Variants in VWC2L observed in about 807,000 individuals in gnomAD.
VWC2L encodes von Willebrand factor C domain containing 2 like.
A neutral mutation model predicts 21.6 loss-of-function variants in VWC2L; 10 were observed. The observed-to-expected ratio is 0.46, with a 90% CI of 0.29 to 0.78. The LOEUF (loss-of-function observed/expected upper bound fraction) is 0.78, where lower values mean the gene tolerates loss of function less well. Ranked by LOEUF, VWC2L falls within the 30% of genes least tolerant of loss-of-function variation. The probability of loss-of-function intolerance (pLI) is 0.10; values close to 1 mark genes in which losing one functional copy is unlikely to be tolerated. For missense variants in VWC2L, 209 were observed against 277.1 expected, an observed-to-expected ratio of 0.75 and a Z score of 1.74; for synonymous variants, 96 against 94.3, an observed-to-expected ratio of 1.02 and a Z score of -0.10.
At chr2:214,510,440 TC>T (rs1357706318) in intron 3 of VWC2L, among the ~76,000 whole-genome samples, 2 of 152,186 alleles carry the variant, frequency 1.3e-5, no homozygotes, top group Admixed American at 1.3e-4. Context: ...TTCCAGTTTC[TC>T]CCCCACATTG....
intron 3 of VWC2L, among the ~76,000 whole-genome samples, chr2:214,565,100 A>C (rs1690042045): frequency 1.3e-5 from 2 of 152,184 alleles, no homozygotes; most frequent in East Asian, 3.9e-4. Context: ...AGTCAGCTGG[A>C]AGTTGTACTT....
rs56085205 is a variant in VWC2L, at chr2:214,499,009, C to CTTTTTTTTTTT, written c.520+62270_520+62280dup. On this transcript the variant is annotated intron_variant, in intron 3 of 3. Coordinates refer to ENST00000312504, the MANE Select transcript of VWC2L (RefSeq NM_001080500.4). ...CTTCTGAGGCTTATATCGTACCATT[C>CTTTTTTTTTTT]TTTTTTTTTTTTTTTTTTTTTTTTT... 4.8e-4 allele frequency among the ~76,000 whole-genome samples: 40 copies of CTTTTTTTTTTT among 83,416 alleles called. 2 individuals are homozygous for CTTTTTTTTTTT. Among genetic ancestry groups the CTTTTTTTTTTT allele is most frequent in the African/African-American group, 2.1e-3 (34 of 16,468 alleles). The allele number at this position is 83,416 out of a possible 152,430, so 54.7% of individuals were successfully genotyped here.
At chr2:214,512,575 A>C (rs1406764776) in intron 3 of VWC2L, among the ~76,000 whole-genome samples, 1 of 152,234 alleles carries the variant, frequency 6.6e-6, no homozygotes, top group African/African-American at 2.4e-5. Context: ...GTAAAAAAAA[A>C]AAAATTTTAC....
At chr2:214,514,744 A>C (rs1255693387) in intron 3 of VWC2L, among the ~76,000 whole-genome samples, 1 of 152,222 alleles carries the variant, frequency 6.6e-6, no homozygotes, top group African/African-American at 2.4e-5. Context: ...AAATACATAC[A>C]CATGTTTGAA....
At chr2:214,543,020 T>G (rs1260058830) in intron 3 of VWC2L, among the ~76,000 whole-genome samples, 2 of 152,222 alleles carry the variant, frequency 1.3e-5, no homozygotes, top group Non-Finnish European at 2.9e-5. Flanking sequence ...TTAATCCTGC[T>G]CATAGAATTA....
At chr2:214,414,896 A>G in intron 2 of VWC2L, 1 of 331,832 alleles carries the variant, frequency 3.0e-6, no homozygotes, top group Non-Finnish European at 5.6e-6. Flanking sequence ...GATGGGAACA[A>G]TTTTGTGTAT....
At chr2:214,477,940 T>C (rs1398560317) in intron 3 of VWC2L, among the ~76,000 whole-genome samples, 1 of 152,264 alleles carries the variant, frequency 6.6e-6, no homozygotes, top group Non-Finnish European at 1.5e-5. Flanking sequence ...AACTTTCTTT[T>C]TGATTTTTCT....
At chr2:214,440,825 T>G (rs1316370872) in intron 3 of VWC2L, among the ~76,000 whole-genome samples, 2 of 152,146 alleles carry the variant, frequency 1.3e-5, no homozygotes, top group African/African-American at 4.8e-5. Context: ...TGTAGTCAGT[T>G]ATCAAAACAT....
chr2:214,478,945 C>T lies in VWC2L; in HGVS notation c.520+42187C>T, dbSNP rs909713990. On this transcript the variant is annotated intron_variant, in intron 3 of 3. Coordinates refer to ENST00000312504, the MANE Select transcript of VWC2L (RefSeq NM_001080500.4). ...ATTTCAAAGCTCTCACTTCTGCCGC[C>T]TCATTAGGCTTGGGATTAGGAACTC... Among the ~76,000 whole-genome samples the T allele has an allele frequency of 2.6e-4, 40 of 152,198 alleles. 1 individual carries two copies. Among genetic ancestry groups the T allele is most frequent in the Non-Finnish European group, 1.3e-4 (9 of 68,024 alleles).
chr2:214,421,175 C>G (rs1409813665), intron 2 of VWC2L, among the ~76,000 whole-genome samples: 1 of 152,142 alleles, frequency 6.6e-6, no homozygotes, highest in Non-Finnish European at 1.5e-5. Context: ...GTTTTTTGCA[C>G]TCACAGAAGT....
chr2:214,554,365 T>C (rs2105926501), intron 3 of VWC2L, among the ~76,000 whole-genome samples: 1 of 152,012 alleles, frequency 6.6e-6, no homozygotes, highest in South Asian at 2.1e-4. Flanking sequence ...CAGGCCGTGA[T>C]GAGAAAGACA....
At chr2:214,495,116 A>G (rs566771108) in intron 3 of VWC2L, among the ~76,000 whole-genome samples, 1 of 151,826 alleles carries the variant, frequency 6.6e-6, no homozygotes, top group Admixed American at 6.6e-5. Flanking sequence ...TGCTTTTTTT[A>G]TATTGATTTG....
chr2:214,555,992 G>A (rs936189439), intron 3 of VWC2L, among the ~76,000 whole-genome samples: 1 of 152,244 alleles, frequency 6.6e-6, no homozygotes, highest in East Asian at 1.9e-4. Context: ...TATTCTCTGA[G>A]ACAAAATAGC....
intron 2 of VWC2L, among the ~76,000 whole-genome samples, chr2:214,435,686 T>A (rs1702669245): frequency 6.6e-6 from 1 of 152,142 alleles, no homozygotes; most frequent in Non-Finnish European, 1.5e-5. Context: ...ACAAATGGCT[T>A]GATTTGAGAA....
Position 214,415,965 on chromosome 2 carries a change from CT to C in VWC2L, c.390+1383del, listed in dbSNP as rs370222229. On this transcript the variant is annotated intron_variant, in intron 2 of 3. Coordinates refer to ENST00000312504, the MANE Select transcript of VWC2L (RefSeq NM_001080500.4). ...ACATTTATTAATGGTTTTATGATCT[CT>C]AAAATATTGTATATATTTTGACATT... Among the ~76,000 whole-genome samples, 388 of 152,144 alleles carry C rather than the reference CT, an allele frequency of 2.6e-3. 2 individuals are homozygous for C. The highest frequency in any genetic ancestry group is 8.9e-3 in the African/African-American group (370 of 41,526).
intron 3 of VWC2L, among the ~76,000 whole-genome samples, chr2:214,567,048 T>C (rs903006318): frequency 1.4e-4 from 22 of 152,172 alleles, no homozygotes; most frequent in African/African-American, 5.1e-4. Context: ...TTTATGGCTT[T>C]ACACAATAGG....
intron 3 of VWC2L, among the ~76,000 whole-genome samples, chr2:214,504,070 T>C (rs1388911543): frequency 1.3e-5 from 2 of 152,222 alleles, no homozygotes; most frequent in African/African-American, 4.8e-5. Flanking sequence ...TTGTACAAAT[T>C]GTAACTGGTT....
At position 214,515,957 on chromosome 2, in the gene VWC2L, T is replaced by C. The variant is rs192911850; in HGVS notation, c.521-59715T>C. Among the ~76,000 whole-genome samples the C allele has an allele frequency of 2.6e-5, 4 of 152,330 alleles. No individual in the cohort carries two copies. The East Asian group carries it at 7.7e-4, about 29-fold the overall frequency. ...ACACAACATTCTTTCTACCTCTTTA[T>C]GCTGCCTCAGAAAGTGCTTGACACC... On this transcript the variant is annotated intron_variant, in intron 3 of 3. Transcript: ENST00000312504.
chr2:214,449,904 A>C (rs559296948), intron 3 of VWC2L, among the ~76,000 whole-genome samples: 1 of 152,308 alleles, frequency 6.6e-6, no homozygotes, highest in African/African-American at 2.4e-5. Flanking sequence ...TATGTTTTGC[A>C]GAAAGGTCCC....
Sources: allele counts gnomAD v4.1 joint callset (sites outside exome capture counted in the v4.1 genomes callset), GRCh38; gene constraint gnomAD v4.1.1; transcripts MANE v1.5; gene names NCBI Gene and HGNC (gene_info 2026-07-23, HGNC 2026-07-21).